The following ADAMTS18 variants were observed in gnomAD, a reference collection of about 807,000 sequenced individuals.
ADAMTS18 encodes ADAM metallopeptidase with thrombospondin type 1 motif 18.
ADAMTS18 carries 157 observed loss-of-function variants against 165.9 expected under a neutral mutation model. The ratio of observed to expected loss-of-function variants is 0.95; its 90% CI spans 0.83 to 1.08. The LOEUF is 1.08. Ranked by LOEUF, ADAMTS18 falls within the 50% of genes least tolerant of loss-of-function variation. The pLI is 0.00. For missense variants in ADAMTS18, 2,040 were observed against 1,534.0 expected, an observed-to-expected ratio of 1.33 and a Z score of -5.51; for synonymous variants, 782 against 578.2, an observed-to-expected ratio of 1.35 and a Z score of -5.06.
At chr16:77,314,110 G>C (rs2055835414) in intron 16 of ADAMTS18, among the ~76,000 whole-genome samples, 1 of 152,096 alleles carries the variant, frequency 6.6e-6, no homozygotes, top group Non-Finnish European at 1.5e-5. Flanking sequence ...CTCTTGAGTA[G>C]GTGGTATGAG....
At chr16:77,397,770 C>T (rs2057277207) in intron 3 of ADAMTS18, among the ~76,000 whole-genome samples, 1 of 152,200 alleles carries the variant, frequency 6.6e-6, no homozygotes, top group African/African-American at 2.4e-5. Context: ...CACATCATAT[C>T]CAGATGTTGG....
At position 77,300,294 on chromosome 16, in the gene ADAMTS18, C is replaced by T. The variant is rs1370637019; in HGVS notation, c.2643G>A (p.Val881=). The change falls in exon 17 of 23, where the codon GTG becomes GTA. Residue 881 remains valine (V), a synonymous_variant. Coordinates refer to ENST00000282849, the MANE Select transcript of ADAMTS18 (RefSeq NM_199355.4). ...TKRPAYTWSI[V]QSECSVSCGG... ...CACAGGAGACGGAGCACTCTGACTG[C>T]ACGATACTCCAGGTATAGGCAGGTC... 1.2e-6 allele frequency: 2 copies of T among 1,614,076 alleles called. No homozygotes were observed. The highest frequency in any genetic ancestry group is 1.1e-5 in the South Asian group (1 of 91,078).
rs1265929273 is a variant in ADAMTS18 at position 77,300,204 on chromosome 16, G to A, written c.2674+59C>T. ...CCATATTATGTTAAAGACGCCTGGA[G>A]TGAAAGAACCTGTTTTAAGAGAGAC... On this transcript the variant is annotated intron_variant, in intron 17 of 22. Transcript: ENST00000282849. The A allele has an allele frequency of 5.6e-6, 9 of 1,602,554 alleles. No individual in the cohort carries two copies. The East Asian group carries it at 2.0e-4, about 36-fold the overall frequency.
intron 3 of ADAMTS18, among the ~76,000 whole-genome samples, chr16:77,411,707 GAC>G (rs1022098096): frequency 1.0e-4 from 5 of 47,804 alleles, no homozygotes; most frequent in African/African-American, 4.4e-4. Flanking sequence ...TTTTTTTTGA[GAC>G]AGAGTCTTGC....
At chr16:77,390,004 T>C (rs2057164125) in intron 3 of ADAMTS18, among the ~76,000 whole-genome samples, 1 of 152,204 alleles carries the variant, frequency 6.6e-6, no homozygotes, top group Admixed American at 6.5e-5. Context: ...CAACTTGGAA[T>C]AAAATCTACA....
At chr16:77,320,942 G>T in intron 15 of ADAMTS18, 137 bp downstream of exon 15, 1 of 1,089,648 alleles carries the variant, frequency 9.2e-7, no homozygotes, top group Non-Finnish European at 1.4e-6. Context: ...CCTTACTCTT[G>T]CACAAGTGAA....
At chr16:77,293,328 A>C in intron 19 of ADAMTS18, 70 bp from the exon 20 acceptor site, 3 of 1,331,826 alleles carry the variant, frequency 2.3e-6, no homozygotes, top group African/African-American at 1.5e-5. Flanking sequence ...AAAAAAAACA[A>C]CACACTAAAT....
intron 16 of ADAMTS18, among the ~76,000 whole-genome samples, chr16:77,314,549 T>A (rs1169825680): frequency 6.8e-6 from 1 of 147,752 alleles, no homozygotes; most frequent in Non-Finnish European, 1.5e-5. Flanking sequence ...TAGGCGGAGG[T>A]TGCAGTGAGC....
chr16:77,368,392 C>A (rs930369998), intron 3 of ADAMTS18, among the ~76,000 whole-genome samples: 1 of 151,996 alleles, frequency 6.6e-6, no homozygotes. Context: ...TATAAAAATA[C>A]CCCCACTCAT....
intron 16 of ADAMTS18, among the ~76,000 whole-genome samples, chr16:77,314,791 A>G (rs565890843): frequency 2.7e-5 from 1 of 36,542 alleles, no homozygotes; most frequent in African/African-American, 1.1e-4. Context: ...TATATAAAAT[A>G]TATGTGATAT....
At chr16:77,328,793 T>C (rs565484164) in intron 12 of ADAMTS18, among the ~76,000 whole-genome samples, 3 of 152,352 alleles carry the variant, frequency 2.0e-5, no homozygotes, top group Non-Finnish European at 4.4e-5. Flanking sequence ...GGTGTTACTT[T>C]ATCGACTTAT....
intron 3 of ADAMTS18, among the ~76,000 whole-genome samples, chr16:77,380,417 A>G (rs909190694): frequency 9.9e-5 from 15 of 152,236 alleles, no homozygotes; most frequent in Non-Finnish European, 1.9e-4. Context: ...CCATGAGACC[A>G]GAATACAGCG....
intron 12 of ADAMTS18, among the ~76,000 whole-genome samples, chr16:77,328,383 G>A (rs1453528880): frequency 1.3e-5 from 2 of 152,024 alleles, no homozygotes; most frequent in African/African-American, 4.8e-5. Context: ...AAAATTCCTT[G>A]TCTCTTTAGG....
In ADAMTS18 at chr16:77,334,357, CA is replaced by C. The variant is rs1276997474; in HGVS notation, c.1859+1398del. ...ATATATTATACTATTATATATACTA[CA>C]TATTTATATTATATATAGTATATAT... On this transcript the variant is annotated intron_variant, in intron 12 of 22. Coordinates refer to ENST00000282849, the MANE Select transcript of ADAMTS18 (RefSeq NM_199355.4). 2.7e-3 allele frequency among the ~76,000 whole-genome samples: 289 copies of C among 107,232 alleles called. 36 individuals carry two copies. The highest frequency in any genetic ancestry group is 4.2e-3 in the Non-Finnish European group (248 of 59,690). 70.3% of individuals were successfully genotyped at this position (107,232 alleles called of 152,430 possible).
intron 3 of ADAMTS18, among the ~76,000 whole-genome samples, chr16:77,381,077 T>G (rs2144770321): frequency 6.6e-6 from 1 of 152,200 alleles, no homozygotes; most frequent in Admixed American, 6.5e-5. Context: ...TTTCACCATG[T>G]TGGTCAGGCT....
rs906746417 is a variant in ADAMTS18, at chr16:77,293,244, A to G, written c.3021T>C (p.Cys1007=). 5.6e-6 allele frequency: 9 copies of G among 1,613,704 alleles called. No homozygotes were observed. The highest frequency in any genetic ancestry group is 1.1e-5 in the South Asian group (1 of 91,058). Residue 1007 remains cysteine (C), a synonymous_variant, in exon 20 of 23, where the codon TGT becomes TGC. Coordinates refer to ENST00000282849, the MANE Select transcript of ADAMTS18 (RefSeq NM_199355.4). ...GTTCACGCTTCCTCACCCCTCGTCC[A>G]CAGGTCTTGGAACACTTGAGAAGAC... The part of the protein sequence containing the change: ...LGPWSQCSKT[C]GRGVRKRELL...
Position 77,300,288 on chromosome 16 carries a change from T to C in ADAMTS18, c.2649A>G (p.Ser883=), listed in dbSNP as rs752826778. ...RPAYTWSIVQ[S]ECSVSCGGGY... ...CTCCACCACAGGAGACGGAGCACTC[T>C]GACTGCACGATACTCCAGGTATAGG... Residue 883 remains serine, a synonymous_variant, in exon 17 of 23, where the codon TCA becomes TCG. Transcript: ENST00000282849. 6.2e-7 allele frequency: 1 copy of C among 1,614,140 alleles called. No homozygotes were observed. Among genetic ancestry groups the C allele is most frequent in the Non-Finnish European group, 8.5e-7 (1 of 1,179,984 alleles).
At chr16:77,286,678 C>T (rs1175380100) in intron 22 of ADAMTS18, among the ~76,000 whole-genome samples, 1 of 151,958 alleles carries the variant, frequency 6.6e-6, no homozygotes, top group Non-Finnish European at 1.5e-5. Flanking sequence ...TGCTGCCTGC[C>T]CCCATCTGAA....
intron 3 of ADAMTS18, among the ~76,000 whole-genome samples, chr16:77,404,189 C>A (rs1015821800): frequency 1.3e-5 from 2 of 152,110 alleles, no homozygotes; most frequent in East Asian, 1.9e-4. Context: ...AGCAAAAAAA[C>A]GTGAATGAAT....
Sources: allele counts gnomAD v4.1 joint callset (sites outside exome capture counted in the v4.1 genomes callset), GRCh38; gene constraint gnomAD v4.1.1; transcripts MANE v1.5; gene names NCBI Gene and HGNC (gene_info 2026-07-23, HGNC 2026-07-21).